Variants in STK24 observed in about 807,000 individuals in gnomAD.
STK24 encodes serine/threonine-protein kinase 24.
In STK24, 21 loss-of-function variants were observed where a neutral mutation model predicts 55.6. The ratio of observed to expected loss-of-function variants is 0.38; its 90% CI spans 0.27 to 0.54. The LOEUF (loss-of-function observed/expected upper bound fraction) is 0.54, where lower values mean the gene tolerates loss of function less well. STK24 is among the 20% of genes least tolerant of loss of function. The pLI is 0.79. For missense variants in STK24, 383 were observed against 538.4 expected (o/e 0.71, Z 2.86); for synonymous variants, 200 against 215.2 (o/e 0.93, Z 0.62).
At chr13:98,570,175 G>C (rs778773621) in intron 1 of STK24, among the ~76,000 whole-genome samples, 121 of 152,132 alleles carry the variant, frequency 8.0e-4, no homozygotes, top group Non-Finnish European at 2.4e-4. Context: ...CACCGCCCCC[G>C]GTCAATTTTT....
rs895202236 is a variant in STK24, at chr13:98,447,082, T to C, written c.*6091A>G. 36 of 449,328 alleles carry C rather than the reference T, an allele frequency of 8.0e-5. No individual in the cohort carries two copies. Among genetic ancestry groups the C allele is most frequent in the Non-Finnish European group, 1.6e-5 (4 of 246,564 alleles). 27.8% of individuals were successfully genotyped at this position (449,328 alleles called of 1,614,324 possible). A position where few individuals can be genotyped will look rare whatever the true frequency, so the allele number is the denominator to read the frequency against. On this transcript the variant is annotated 3_prime_UTR_variant, in exon 11 of 11. Transcript: ENST00000539966. Reference sequence around the variant, plus strand: ...GCTTGGAGATCTCTGACATAACGTGTCCGGGATGATGAAGCTAAGCCCCAG... The same window carrying C: ...GCTTGGAGATCTCTGACATAACGTGCCCGGGATGATGAAGCTAAGCCCCAG...
chr13:98,520,259 C>A (rs547603349), intron 1 of STK24, among the ~76,000 whole-genome samples: 12 of 152,200 alleles, frequency 7.9e-5, no homozygotes, highest in Non-Finnish European at 1.6e-4. Flanking sequence ...GAGAAGCAAT[C>A]CCGATGTTTA....
rs111354591 is a variant in STK24 at position 98,484,326 on chromosome 13, C to G, written c.274-2005G>C. Reference sequence around the variant, plus strand: ...TCCCTAAGAGAGCTGGGAACTCTGACGTTTCTACTCCCACTCCCTTTTTAA... The same window carrying G: ...TCCCTAAGAGAGCTGGGAACTCTGAGGTTTCTACTCCCACTCCCTTTTTAA... On this transcript the variant is annotated intron_variant, in intron 2 of 10. Coordinates refer to ENST00000539966, the MANE Select transcript of STK24 (RefSeq NM_001032296.4). 2.0e-5 allele frequency among the ~76,000 whole-genome samples: 3 copies of G among 152,304 alleles called. No homozygotes were observed. In the East Asian group the frequency reaches 5.8e-4, roughly 29 times the overall value.
intron 1 of STK24, among the ~76,000 whole-genome samples, chr13:98,535,398 TACACACACACACACACACACACACACAC>T (rs56768700): frequency 2.1e-5 from 3 of 142,730 alleles, no homozygotes; most frequent in African/African-American, 5.3e-5. Flanking sequence ...TATGTGTGTA[TACACACACACACACACACACACACACAC>T]ACACACACAC....
At chr13:98,457,859 G>A (rs989088011) in intron 9 of STK24, among the ~76,000 whole-genome samples, 2 of 152,168 alleles carry the variant, frequency 1.3e-5, no homozygotes, top group Admixed American at 6.5e-5. Flanking sequence ...ATTACTGTTC[G>A]AGGCCAGAAC....
At chr13:98,499,150 A>G (rs931235358) in intron 2 of STK24, among the ~76,000 whole-genome samples, 13 of 152,126 alleles carry the variant, frequency 8.5e-5, no homozygotes, top group African/African-American at 3.1e-4. Context: ...GGGCAGCAGA[A>G]TCACTTGAAC....
chr13:98,461,995 C>T (rs1893727489), intron 7 of STK24, 98 bp from the exon 8 acceptor site: 3 of 1,493,078 alleles, frequency 2.0e-6, no homozygotes, highest in Non-Finnish European at 2.7e-6. Context: ...CCTCTAAACC[C>T]ACACCCACCA....
chr13:98,470,406 T>C (rs893180464), intron 5 of STK24, among the ~76,000 whole-genome samples: 18 of 152,236 alleles, frequency 1.2e-4, no homozygotes, highest in Non-Finnish European at 2.5e-4. Flanking sequence ...GCTGGGATTA[T>C]AGGCGTGAGC....
At chr13:98,538,222 CTTT>C (rs55720452) in intron 1 of STK24, among the ~76,000 whole-genome samples, 3,126 of 91,552 alleles carry the variant, frequency 0.034, 86 homozygotes, top group African/African-American at 0.12. Flanking sequence ...TTGGTGCTTG[CTTT>C]TTTTTTTTTT....
At chr13:98,540,273 G>A (rs952668789) in intron 1 of STK24, among the ~76,000 whole-genome samples, 4 of 152,216 alleles carry the variant, frequency 2.6e-5, no homozygotes, top group Non-Finnish European at 5.9e-5. Context: ...GTTCTGCTCT[G>A]ATTGATGCTA....
chr13:98,572,887 G>T (rs1280401190), intron 1 of STK24, among the ~76,000 whole-genome samples: 1 of 152,200 alleles, frequency 6.6e-6, no homozygotes, highest in Non-Finnish European at 1.5e-5. Flanking sequence ...TCAGGAATCA[G>T]TGGGCTGTGA....
At chr13:98,475,444 A>G (rs1260219026) in intron 3 of STK24, 86 bp from the exon 4 acceptor site, 1 of 914,772 alleles carries the variant, frequency 1.1e-6, no homozygotes, top group Non-Finnish European at 1.7e-6. Context: ...ATCCATGTTA[A>G]TGGACAAGGG....
intron 1 of STK24, among the ~76,000 whole-genome samples, chr13:98,546,125 T>C (rs1326340040): frequency 1.3e-5 from 2 of 152,232 alleles, no homozygotes; most frequent in Non-Finnish European, 2.9e-5. Flanking sequence ...AATGCACAGA[T>C]GACCGCTGCG....
In STK24 at chr13:98,457,270, A is replaced by G; in HGVS notation, c.1157T>C (p.Leu386Ser). The part of the protein sequence containing the change: ...KEKSQACGGN[L>S]GSIEELRGAI... ...CCCTCGCAGCTCTTCAATGGACCCC[A>G]AGTTCCCTCCGCACGCCTGGCTCTT... The change falls in exon 10 of 11, where the codon TTG (leucine) becomes TCG (serine). Residue 386 changes from leucine (L) to serine (S), a missense_variant. Coordinates refer to ENST00000539966, the MANE Select transcript of STK24 (RefSeq NM_001032296.4). 2 of 1,613,960 alleles carry G rather than the reference A, an allele frequency of 1.2e-6. No individual in the cohort carries two copies. Among genetic ancestry groups the G allele is most frequent in the Non-Finnish European group, 1.7e-6 (2 of 1,180,020 alleles).
At chr13:98,521,092 C>G (rs1295448841) in intron 1 of STK24, among the ~76,000 whole-genome samples, 1 of 152,198 alleles carries the variant, frequency 6.6e-6, no homozygotes, top group Non-Finnish European at 1.5e-5. Context: ...TCATGGCCAG[C>G]GTAATCCGAG....
intron 8 of STK24, among the ~76,000 whole-genome samples, chr13:98,461,206 T>C (rs1182884555): frequency 6.6e-6 from 1 of 152,212 alleles, no homozygotes; most frequent in Non-Finnish European, 1.5e-5. Flanking sequence ...ACCTGTTCAC[T>C]TATCAAAGCG....
chr13:98,508,456 A>C (rs1470493249), intron 2 of STK24, among the ~76,000 whole-genome samples: 3 of 152,266 alleles, frequency 2.0e-5, no homozygotes, highest in Non-Finnish European at 4.4e-5. Context: ...GTAAACCACT[A>C]GCCTTTCAGG....
At position 98,449,823 on chromosome 13, in the gene STK24, A is replaced by ACACTC. The variant is rs1021124214; in HGVS notation, c.*3345_*3349dup. ...GTGTGGGGGGGGAGGGGGGAAGGGG[A>ACACTC]CACTCCAGCAAGGGTTTCTAAAGCC... is the stretch of plus-strand genomic sequence containing the variant. On this transcript the variant is annotated 3_prime_UTR_variant, in exon 11 of 11. Coordinates refer to ENST00000539966, the MANE Select transcript of STK24 (RefSeq NM_001032296.4). 1 of 152,062 alleles carries ACACTC rather than the reference A, an allele frequency of 6.6e-6. No homozygotes were observed. The highest frequency in any genetic ancestry group is 1.5e-5 in the Non-Finnish European group (1 of 67,956). 9.4% of individuals were successfully genotyped at this position (152,062 alleles called of 1,614,324 possible).
At chr13:98,575,247 C>A (rs1174796786) in intron 1 of STK24, among the ~76,000 whole-genome samples, 1 of 152,132 alleles carries the variant, frequency 6.6e-6, no homozygotes, top group Non-Finnish European at 1.5e-5. Context: ...GTTTTGAATG[C>A]ATGCTAAATT....
Sources: gnomAD v4.1 joint callset for allele counts (sites outside exome capture counted in the v4.1 genomes callset) on GRCh38, gnomAD v4.1.1 for gene constraint, MANE v1.5 for transcripts, NCBI Gene and HGNC (gene_info 2026-07-23, HGNC 2026-07-21) for gene names.